TMEM131: variants seen among roughly 807,000 people sequenced by gnomAD.
TMEM131 encodes transmembrane protein 131.
TMEM131 carries 66 observed loss-of-function variants against 211.6 expected under a neutral mutation model. That is an observed-to-expected ratio of 0.31 (90% CI 0.26 to 0.38). The LOEUF (loss-of-function observed/expected upper bound fraction) is 0.38, where lower values mean the gene tolerates loss of function less well. TMEM131 is among the 10% of genes least tolerant of loss of function. TMEM131 has a pLI of 1.00. For missense variants in TMEM131, 2,036 were observed against 2,299.3 expected (o/e 0.89, Z 2.34); for synonymous variants, 844 against 841.3 (o/e 1.00, Z -0.06).
chr2:97,811,162 T>A lies in TMEM131; in HGVS notation c.1934A>T (p.His645Leu), dbSNP rs1559373919. The A allele has an allele frequency of 6.2e-7, 1 of 1,613,794 alleles. No homozygotes were observed. The highest frequency in any genetic ancestry group is 1.3e-5 in the African/African-American group (1 of 75,042). The change falls in exon 18 of 41, where the codon CAT (histidine) becomes CTT (leucine). Residue 645 changes from histidine to leucine, a missense_variant. Transcript: ENST00000186436. ...KLTAKKLEGI[H>L]DGAIQITTDY... ...TGTTGTGATCTGGATGGCTCCATCA[T>A]GAATCCCCTCTAATTTTTTTGCAGT...
At chr2:97,804,645 G>GA (rs943287288) in intron 22 of TMEM131, among the ~76,000 whole-genome samples, 2 of 145,840 alleles carry the variant, frequency 1.4e-5, no homozygotes, top group African/African-American at 5.0e-5. Flanking sequence ...AAAAAAAAAG[G>GA]AAGGAGGTAT....
intron 1 of TMEM131, among the ~76,000 whole-genome samples, chr2:97,983,446 A>G (rs1679887745): frequency 6.6e-6 from 1 of 152,068 alleles, no homozygotes; most frequent in Non-Finnish European, 1.5e-5. Context: ...AGTCCCTTCA[A>G]GTTCCTGTCT....
At chr2:97,824,214 C>G (rs1277373525) in intron 11 of TMEM131, among the ~76,000 whole-genome samples, 1 of 152,254 alleles carries the variant, frequency 6.6e-6, no homozygotes, top group East Asian at 1.9e-4. Context: ...CACACTGCCC[C>G]AGAGGGCAAA....
At chr2:97,906,851 G>A (rs980720595) in intron 3 of TMEM131, among the ~76,000 whole-genome samples, 1 of 152,148 alleles carries the variant, frequency 6.6e-6, no homozygotes, top group African/African-American at 2.4e-5. Context: ...CAGAGTTTGA[G>A]AGCATCATAA....
intron 11 of TMEM131, among the ~76,000 whole-genome samples, chr2:97,832,054 G>C (rs10165072): frequency 8.0e-6 from 1 of 124,336 alleles, no homozygotes; most frequent in Non-Finnish European, 1.6e-5. Context: ...TTCCTATCTA[G>C]AAAACTAGGA....
intron 2 of TMEM131, among the ~76,000 whole-genome samples, chr2:97,910,816 C>A (rs186870058): frequency 2.0e-3 from 301 of 152,060 alleles, no homozygotes; most frequent in Non-Finnish European, 2.9e-3. Flanking sequence ...TGTTTTGGTA[C>A]CAGTACCATG....
intron 1 of TMEM131, among the ~76,000 whole-genome samples, chr2:97,983,617 TACC>T (rs1005379024): frequency 4.9e-4 from 74 of 152,298 alleles, no homozygotes; most frequent in African/African-American, 1.8e-3. Flanking sequence ...GACCAATGGT[TACC>T]TCCTCCTCCT....
chr2:97,901,730 T>C (rs1291279060), intron 3 of TMEM131, among the ~76,000 whole-genome samples: 1 of 152,026 alleles, frequency 6.6e-6, no homozygotes, highest in East Asian at 1.9e-4. Context: ...GCTAAAAAAG[T>C]TTATCTTGTG....
intron 32 of TMEM131, among the ~76,000 whole-genome samples, chr2:97,774,153 T>C (rs1346171039): frequency 6.6e-6 from 1 of 152,274 alleles, no homozygotes; most frequent in Non-Finnish European, 1.5e-5. Flanking sequence ...GGCTCACATA[T>C]CGTTTGAAAC....
chr2:97,793,770 G>A (rs918638995), intron 29 of TMEM131, among the ~76,000 whole-genome samples: 2 of 151,782 alleles, frequency 1.3e-5, no homozygotes, highest in African/African-American at 4.8e-5. Context: ...CGAGGCGGGT[G>A]GATCACGAGG....
chr2:97,761,060 T>A, intron 36 of TMEM131, 146 bp from the exon 37 acceptor site: 1 of 1,025,534 alleles, frequency 9.8e-7, no homozygotes, highest in Non-Finnish European at 1.4e-6. Context: ...TGTCACATGC[T>A]CTGGGGCCTC....
chr2:97,813,259 C>T (rs1442004361), intron 15 of TMEM131, among the ~76,000 whole-genome samples: 1 of 152,162 alleles, frequency 6.6e-6, no homozygotes, highest in African/African-American at 2.4e-5. Context: ...CACCAATGAT[C>T]ACTGAAACAA....
In TMEM131 at chr2:97,844,172, T is replaced by A. The variant is rs759964425; in HGVS notation, c.573A>T (p.Thr191=). The A allele has an allele frequency of 8.3e-7, 1 of 1,202,556 alleles. No homozygotes were observed. The highest frequency in any genetic ancestry group is 2.8e-5 in the East Asian group (1 of 35,618). 74.5% of individuals were successfully genotyped at this position (1,202,556 alleles called of 1,614,324 possible). A position where few individuals can be genotyped will look rare whatever the true frequency, so the allele number is the denominator to read the frequency against. The change falls in exon 6 of 41, where the codon ACA becomes ACT. Residue 191 remains threonine, a synonymous_variant. Coordinates refer to ENST00000186436, the MANE Select transcript of TMEM131 (RefSeq NM_015348.2). ...GNVENTLFIN[T]SNHGVFTYQV... Reference sequence around the variant, plus strand: ...GGTAAGTAAATACCCCATGATTAGATGTATTAATAAATAAAGTATTTTCTA... The same window carrying A: ...GGTAAGTAAATACCCCATGATTAGAAGTATTAATAAATAAAGTATTTTCTA...
At chr2:97,980,467 A>G (rs1177743963) in intron 1 of TMEM131, among the ~76,000 whole-genome samples, 1 of 152,178 alleles carries the variant, frequency 6.6e-6, no homozygotes, top group Non-Finnish European at 1.5e-5. Context: ...ACTCTCATAC[A>G]CTTCTTATGG....
At chr2:97,947,664 A>C (rs1446797922) in intron 1 of TMEM131, among the ~76,000 whole-genome samples, 1 of 152,148 alleles carries the variant, frequency 6.6e-6, no homozygotes, top group Non-Finnish European at 1.5e-5. Context: ...AATTCCAATC[A>C]AGTTTTTTGT....
chr2:97,808,390 T>C (rs974192277), intron 19 of TMEM131, among the ~76,000 whole-genome samples: 2 of 152,204 alleles, frequency 1.3e-5, no homozygotes. Context: ...ACATCTGCCC[T>C]GGTATTCCTG....
intron 35 of TMEM131, chr2:97,764,212 A>C (rs1362826402): frequency 6.6e-6 from 1 of 152,252 alleles, no homozygotes; most frequent in Non-Finnish European, 1.5e-5. Flanking sequence ...GGTGGGACCA[A>C]CGCTTTCACC....
chr2:97,835,680 T>C (rs570475514), intron 8 of TMEM131, among the ~76,000 whole-genome samples: 2 of 152,284 alleles, frequency 1.3e-5, no homozygotes, highest in South Asian at 2.1e-4. Context: ...CTCTCTTTTT[T>C]AGTCCCAAAG....
chr2:97,839,308 T>C (rs1384653692), intron 7 of TMEM131, among the ~76,000 whole-genome samples: 1 of 148,438 alleles, frequency 6.7e-6, no homozygotes, highest in Non-Finnish European at 1.5e-5. Flanking sequence ...GCCTGGTGTC[T>C]GGAAAACCAA....
Sources: allele counts gnomAD v4.1 joint callset (sites outside exome capture counted in the v4.1 genomes callset), GRCh38; gene constraint gnomAD v4.1.1; transcripts MANE v1.5; gene names NCBI Gene and HGNC (gene_info 2026-07-23, HGNC 2026-07-21).